The following PDE10A variants were observed in gnomAD, a reference collection of about 807,000 sequenced individuals.
PDE10A encodes phosphodiesterase 10A.
In PDE10A, 39 loss-of-function variants were observed where a neutral mutation model predicts 97.7. The ratio of observed to expected loss-of-function variants is 0.40; its 90% CI spans 0.31 to 0.52. PDE10A has a LOEUF of 0.52. Ranked by LOEUF, PDE10A falls within the 20% of genes least tolerant of loss-of-function variation. The pLI, the probability that PDE10A is intolerant of heterozygous loss-of-function variation, is 0.56. For synonymous variants in PDE10A, 371 were observed against 376.8 expected, an observed-to-expected ratio of 0.98 and a Z score of 0.18; for missense variants, 731 against 1,047.8, an observed-to-expected ratio of 0.70 and a Z score of 4.17.
At chr6:165,758,510 AAAG>A (rs200476731) in intron 1 of PDE10A, among the ~76,000 whole-genome samples, 7,887 of 41,502 alleles carry the variant, frequency 0.19, 248 homozygotes, top group Middle Eastern at 0.41. Flanking sequence ...AAGAAAGAAG[AAAG>A]AAGAAGAAGA....
intron 18 of PDE10A, among the ~76,000 whole-genome samples, chr6:165,375,114 G>T (rs1299533892): frequency 6.6e-6 from 1 of 151,930 alleles, no homozygotes; most frequent in Non-Finnish European, 1.5e-5. Context: ...TTAAAATTAG[G>T]CCAATTAATA....
At position 165,671,015 on chromosome 6, in the gene PDE10A, G is replaced by A. The variant is rs1051204781; in HGVS notation, c.-614-127447C>T. Among the ~76,000 whole-genome samples, 7 of 152,142 alleles carry A rather than the reference G, an allele frequency of 4.6e-5. No homozygotes were observed. The highest frequency in any genetic ancestry group is 1.9e-4 in the East Asian group (1 of 5,158). On this transcript the variant is annotated intron_variant, in intron 1 of 19. Transcript: ENST00000366882. The surrounding 1 kb of genome is among the most constrained non-coding windows in gnomAD (Gnocchi z 4.6). ...GAGTCTAACAAATGGCACTTTATAC[G>A]TCTACAGACTAGGGTTATCTGACCC...
At position 165,672,398 on chromosome 6, in the gene PDE10A, G is replaced by T. The variant is rs142615805; in HGVS notation, c.-614-128830C>A. Among the ~76,000 whole-genome samples the T allele has an allele frequency of 4.8e-3, 727 of 152,260 alleles. 4 individuals carry two copies. The highest frequency in any genetic ancestry group is 8.5e-3 in the Non-Finnish European group (579 of 68,028). ...AAATGTGCTGAGAACATTACAGTTG[G>T]GCAAAACTACAAAGCCTATTTTATA... On this transcript the variant is annotated intron_variant, in intron 1 of 19. Coordinates refer to the PDE10A transcript ENST00000366882.
intron 1 of PDE10A, among the ~76,000 whole-genome samples, chr6:165,942,290 G>GTA (rs753556032): frequency 3.3e-4 from 35 of 107,308 alleles, no homozygotes; most frequent in Admixed American, 5.0e-4. Context: ...GTATGTGTGT[G>GTA]TATATATATA....
chr6:165,342,892 T>C (rs188733762), intron 19 of PDE10A, among the ~76,000 whole-genome samples: 16 of 152,306 alleles, frequency 1.1e-4, no homozygotes, highest in Non-Finnish European at 2.1e-4. Flanking sequence ...TTCAGGAGTA[T>C]TATGAATGAA....
intron 20 of PDE10A, among the ~76,000 whole-genome samples, chr6:165,337,739 G>C (rs2128176527): frequency 6.6e-6 from 1 of 152,208 alleles, no homozygotes; most frequent in East Asian, 1.9e-4. Flanking sequence ...GATTATCTTA[G>C]TTAAAAACAC....
chr6:165,683,445 C>G (rs1333800118), intron 1 of PDE10A, among the ~76,000 whole-genome samples: 1 of 152,156 alleles, frequency 6.6e-6, no homozygotes, highest in African/African-American at 2.4e-5. Context: ...CGCTCACACA[C>G]GACTAAGACA....
chr6:165,576,057 T>C (rs1315363597), intron 1 of PDE10A, among the ~76,000 whole-genome samples: 2 of 150,074 alleles, frequency 1.3e-5, no homozygotes, highest in African/African-American at 2.5e-5. Flanking sequence ...GCAGGTCATT[T>C]AGCCAATAAT....
intron 18 of PDE10A, among the ~76,000 whole-genome samples, chr6:165,370,777 T>C (rs142339411): frequency 0.45 from 66,186 of 145,776 alleles, 15,772 homozygotes; most frequent in African/African-American, 0.61. Flanking sequence ...AGAATATACA[T>C]TTTTTTCAGC....
rs1383087999 is a variant in PDE10A, at chr6:165,691,116, C to CG, written c.-614-147549_-614-147548insC. Among the ~76,000 whole-genome samples, 3 of 106,582 alleles carry CG rather than the reference C, an allele frequency of 2.8e-5. 1 individual carries two copies. The highest frequency in any genetic ancestry group is 2.7e-4 in the Admixed American group (3 of 11,248). 69.9% of individuals were successfully genotyped at this position (106,582 alleles called of 152,430 possible). A position where few individuals can be genotyped will look rare whatever the true frequency, so the allele number is the denominator to read the frequency against. On this transcript the variant is annotated intron_variant, in intron 1 of 19. Coordinates refer to the PDE10A transcript ENST00000366882. Reference sequence around the variant, plus strand: ...CTCTCTCTTTCTCTCTCCCCCCCCCCATCAGTGCCTGTGGTCACATAAGCC... The same window carrying CG: ...CTCTCTCTTTCTCTCTCCCCCCCCCCGATCAGTGCCTGTGGTCACATAAGCC...
At chr6:165,827,314 G>A (rs948352218) in intron 1 of PDE10A, among the ~76,000 whole-genome samples, 3 of 152,212 alleles carry the variant, frequency 2.0e-5, no homozygotes, top group Non-Finnish European at 2.9e-5. Flanking sequence ...GACGCGGGGC[G>A]GGGGCACCCG....
intron 1 of PDE10A, among the ~76,000 whole-genome samples, chr6:165,759,769 C>A (rs1167899173): frequency 6.6e-6 from 1 of 152,178 alleles, no homozygotes; most frequent in Non-Finnish European, 1.5e-5. Flanking sequence ...CGTGGAAAAC[C>A]CCACCCAAAG....
intron 1 of PDE10A, among the ~76,000 whole-genome samples, chr6:165,783,821 C>G (rs1043641759): frequency 3.9e-5 from 6 of 152,216 alleles, no homozygotes; most frequent in African/African-American, 1.4e-4. Flanking sequence ...GGTTACGTGA[C>G]TTGCCACGTT....
intron 13 of PDE10A, among the ~76,000 whole-genome samples, chr6:165,402,750 T>C (rs1047591157): frequency 2.6e-5 from 4 of 152,156 alleles, no homozygotes; most frequent in African/African-American, 9.7e-5. Flanking sequence ...CTACCACACA[T>C]TAAAAATACA....
intron 1 of PDE10A, among the ~76,000 whole-genome samples, chr6:165,980,615 A>G (rs998076333): frequency 2.6e-5 from 4 of 152,198 alleles, no homozygotes; most frequent in Admixed American, 1.3e-4. Context: ...AAGGGATGTT[A>G]CATATATCAC....
At chr6:165,463,017 A>G (rs1328469414) in intron 3 of PDE10A, among the ~76,000 whole-genome samples, 2 of 152,230 alleles carry the variant, frequency 1.3e-5, no homozygotes. Flanking sequence ...CTTGTTTAGT[A>G]AGATTGCATT....
At chr6:165,822,696 G>T (rs1014843772) in intron 1 of PDE10A, among the ~76,000 whole-genome samples, 6 of 152,176 alleles carry the variant, frequency 3.9e-5, no homozygotes, top group African/African-American at 1.4e-4. Flanking sequence ...TAAGTGAGTG[G>T]TGAGTGAGGG....
At chr6:165,397,633 T>C (rs1786270936) in intron 13 of PDE10A, among the ~76,000 whole-genome samples, 1 of 141,172 alleles carries the variant, frequency 7.1e-6, no homozygotes, top group Non-Finnish European at 1.5e-5. Flanking sequence ...ACCTGGGAGG[T>C]AGTGATTGCA....
intron 1 of PDE10A, among the ~76,000 whole-genome samples, chr6:165,784,704 T>C (rs184446908): frequency 1.3e-5 from 2 of 152,262 alleles, no homozygotes; most frequent in South Asian, 2.1e-4. Context: ...ACTATGGGTA[T>C]TGGGACAGCC....
Sources: allele counts gnomAD v4.1 joint callset (sites outside exome capture counted in the v4.1 genomes callset), GRCh38; gene constraint gnomAD v4.1.1; non-coding constraint Gnocchi (gnomAD v3.1); transcripts MANE v1.5; gene names NCBI Gene and HGNC (gene_info 2026-07-23, HGNC 2026-07-21).